NEK11: variants seen among roughly 807,000 people sequenced by gnomAD.
NEK11 encodes NIMA related kinase 11, also known as serine/threonine-protein kinase Nek11.
In NEK11, 72 loss-of-function variants were observed where a neutral mutation model predicts 80.7. That is an observed-to-expected ratio of 0.89 (90% confidence interval 0.74 to 1.08). NEK11 has a LOEUF of 1.08. Among genes scored for constraint, NEK11 ranks in the 50% least tolerant of loss-of-function variants. The pLI is 0.00. For synonymous variants in NEK11, 251 were observed against 260.7 expected (o/e 0.96, Z 0.36); for missense variants, 764 against 763.6 (o/e 1.00, Z -0.01).
intron 5 of NEK11, among the ~76,000 whole-genome samples, chr3:131,128,630 T>G (rs1286561130): frequency 2.0e-5 from 3 of 152,210 alleles, no homozygotes; most frequent in Non-Finnish European, 2.9e-5. Context: ...TTGTGCAGGT[T>G]TTTGTGTGGA....
chr3:131,073,703 C>T lies in NEK11; in HGVS notation c.171-6720C>T, dbSNP rs185971156. Among the ~76,000 whole-genome samples the T allele has an allele frequency of 2.6e-3, 393 of 152,200 alleles. 1 individual carries two copies. The highest frequency in any genetic ancestry group is 4.3e-3 in the Non-Finnish European group (289 of 68,000). On this transcript the variant is annotated intron_variant, in intron 3 of 17. Transcript: ENST00000383366. ...GCCATCTTCAGGAGTATAGGGAAAC[C>T]GGGCCAGAATTTAAAATGGGAGGAA...
intron 4 of NEK11, among the ~76,000 whole-genome samples, chr3:131,089,974 T>C (rs534660416): frequency 2.0e-5 from 3 of 152,340 alleles, no homozygotes; most frequent in Non-Finnish European, 2.9e-5. Context: ...CAGGACAGAA[T>C]AATTTTTGAA....
At chr3:131,234,565 A>G (rs1439829799) in intron 15 of NEK11, among the ~76,000 whole-genome samples, 1 of 152,088 alleles carries the variant, frequency 6.6e-6, no homozygotes, top group Non-Finnish European at 1.5e-5. Flanking sequence ...CTTCTAGGTG[A>G]TGGGCCTTCT....
Position 131,332,587 on chromosome 3 carries a change from C to T in NEK11, c.1719-16970C>T, listed in dbSNP as rs1412209858. On this transcript the variant is annotated intron_variant, in intron 17 of 17. Coordinates refer to ENST00000383366, the MANE Select transcript of NEK11 (RefSeq NM_024800.5). Reference sequence around the variant, plus strand: ...CTCCTCCTCCAAAGGAACGCAGTTCCTCACCAGCAACGGAACAAAGCTGGA... The same window carrying T: ...CTCCTCCTCCAAAGGAACGCAGTTCTTCACCAGCAACGGAACAAAGCTGGA... Among the ~76,000 whole-genome samples the T allele has an allele frequency of 2.6e-5, 4 of 152,204 alleles. No individual in the cohort carries two copies. The East Asian group carries it at 7.7e-4, about 29-fold the overall frequency.
At chr3:131,146,186 T>G (rs2088207646) in intron 7 of NEK11, among the ~76,000 whole-genome samples, 1 of 152,104 alleles carries the variant, frequency 6.6e-6, no homozygotes, top group African/African-American at 2.4e-5. Flanking sequence ...GCATAAATCA[T>G]CAGAACAGAG....
At position 131,266,886 on chromosome 3, in the gene NEK11, T is replaced by A. The variant is rs150014236; in HGVS notation, c.1622-6592T>A. On this transcript the variant is annotated intron_variant, in intron 16 of 17. Transcript: ENST00000383366. ...ATCTAGGTGCTCCTGTATTGGGTGC[T>A]TATACATTTAGGATAGTTAGCTGTT... 5.9e-5 allele frequency among the ~76,000 whole-genome samples: 9 copies of A among 152,316 alleles called. No homozygotes were observed. In the East Asian group the frequency reaches 1.5e-3, roughly 26 times the overall value.
intron 17 of NEK11, among the ~76,000 whole-genome samples, chr3:131,309,789 A>C (rs2096759713): frequency 6.6e-6 from 1 of 151,870 alleles, no homozygotes; most frequent in Non-Finnish European, 1.5e-5. Flanking sequence ...GCTTGAGATC[A>C]ACCTAGACAG....
chr3:131,193,487 C>T (rs1208229590), intron 14 of NEK11, among the ~76,000 whole-genome samples: 4 of 152,078 alleles, frequency 2.6e-5, no homozygotes, highest in African/African-American at 7.2e-5. Context: ...ATAATTTCTC[C>T]ATTTGTTCTG....
chr3:131,251,200 C>CA (rs770059749), intron 16 of NEK11, among the ~76,000 whole-genome samples: 19,335 of 90,688 alleles, frequency 0.21, 1,555 homozygotes, highest in South Asian at 0.29. Flanking sequence ...AAGGTAAATA[C>CA]AAAAAAAAAA....
chr3:131,029,284 T>G (rs929499555), intron 2 of NEK11, among the ~76,000 whole-genome samples: 1 of 152,204 alleles, frequency 6.6e-6, no homozygotes, highest in Non-Finnish European at 1.5e-5. Context: ...GTTCTTGTAT[T>G]TGGATTCTTT....
chr3:131,044,996 A>T (rs1319262124), intron 3 of NEK11, among the ~76,000 whole-genome samples: 1 of 152,210 alleles, frequency 6.6e-6, no homozygotes, highest in Non-Finnish European at 1.5e-5. Flanking sequence ...TTACGTGGAA[A>T]CTGAACAACC....
rs556362550 is a variant in NEK11, at chr3:131,139,296, G to GC, written c.647+5340_647+5341insC. Among the ~76,000 whole-genome samples, 418 of 147,828 alleles carry GC rather than the reference G, an allele frequency of 2.8e-3. 2 individuals carry two copies. Among genetic ancestry groups the GC allele is most frequent in the Middle Eastern group, 0.021 (6 of 282 alleles). On this transcript the variant is annotated intron_variant, in intron 7 of 17. Coordinates refer to ENST00000383366, the MANE Select transcript of NEK11 (RefSeq NM_024800.5). The stretch of plus-strand genomic sequence containing the variant: ...ATTGATCAAGTAGAAGAAAGAATTA[G>GC]TAAGCTCGAAGACAGGATATTGGAA...
At chr3:131,050,085 G>T (rs35630260) in intron 3 of NEK11, among the ~76,000 whole-genome samples, 23,354 of 152,110 alleles carry the variant, frequency 0.15, 1,856 homozygotes, top group Non-Finnish European at 0.17. Context: ...CTCAGCAGCT[G>T]CCTCAAGCTC....
At chr3:131,198,798 A>T (rs906554172) in intron 14 of NEK11, among the ~76,000 whole-genome samples, 5 of 152,240 alleles carry the variant, frequency 3.3e-5, no homozygotes, top group Non-Finnish European at 7.3e-5. Flanking sequence ...GAGCCTGGAA[A>T]GCTGCTTCTG....
At chr3:131,063,961 T>C (rs2071395305) in intron 3 of NEK11, among the ~76,000 whole-genome samples, 1 of 152,074 alleles carries the variant, frequency 6.6e-6, no homozygotes, top group African/African-American at 2.4e-5. Context: ...ATAAACAAAA[T>C]ATGGTATATC....
At chr3:131,300,075 C>T (rs2096644425) in intron 17 of NEK11, among the ~76,000 whole-genome samples, 1 of 152,128 alleles carries the variant, frequency 6.6e-6, no homozygotes, top group African/African-American at 2.4e-5. Context: ...GCCATTGTGA[C>T]TGGTGGGAAA....
chr3:131,039,756 G>A (rs1401482709), intron 3 of NEK11, among the ~76,000 whole-genome samples: 1 of 152,172 alleles, frequency 6.6e-6, no homozygotes, highest in Non-Finnish European at 1.5e-5. Flanking sequence ...AAATTCTCAA[G>A]TTAAAATTAG....
intron 14 of NEK11, among the ~76,000 whole-genome samples, chr3:131,187,716 T>C (rs2093651593): frequency 6.6e-6 from 1 of 152,170 alleles, no homozygotes. Flanking sequence ...TTGGTTGAAG[T>C]CCTACTTCCA....
At chr3:131,182,743 C>A (rs992311721) in intron 14 of NEK11, among the ~76,000 whole-genome samples, 6 of 152,178 alleles carry the variant, frequency 3.9e-5, no homozygotes, top group Admixed American at 1.3e-4. Context: ...TCATTGCATG[C>A]ATTGGCGCCT....
Sources: gnomAD v4.1 joint callset for allele counts (sites outside exome capture counted in the v4.1 genomes callset) on GRCh38, gnomAD v4.1.1 for gene constraint, MANE v1.5 for transcripts, NCBI Gene and HGNC (gene_info 2026-07-23, HGNC 2026-07-21) for gene names.